Variants in FRYL observed in about 807,000 individuals in gnomAD.
FRYL encodes the protein protein furry homolog-like.
A neutral mutation model predicts 351.2 loss-of-function variants in FRYL; 150 were observed. The ratio of observed to expected loss-of-function variants is 0.43; its 90% CI spans 0.37 to 0.49. FRYL has a LOEUF of 0.49. FRYL is among the 20% of genes least tolerant of loss of function. FRYL has a pLI of 0.00. For synonymous variants in FRYL, 1,153 were observed against 1,257.1 expected, an observed-to-expected ratio of 0.92 and a Z score of 1.75; for missense variants, 3,036 against 3,619.3, an observed-to-expected ratio of 0.84 and a Z score of 4.13.
intron 7 of FRYL, among the ~76,000 whole-genome samples, chr4:48,616,839 A>G (rs1749569423): frequency 6.6e-6 from 1 of 152,138 alleles, no homozygotes; most frequent in African/African-American, 2.4e-5. Flanking sequence ...GGTGTATTAT[A>G]TGGGGCAAAA....
Position 48,609,820 on chromosome 4 carries a change from G to T in FRYL, c.415C>A (p.Pro139Thr). 1.3e-6 allele frequency: 2 copies of T among 1,559,408 alleles called. No homozygotes were observed. Among genetic ancestry groups the T allele is most frequent in the South Asian group, 1.2e-5 (1 of 81,976 alleles). Residue 139 changes from proline (P) to threonine (T), a missense_variant, in exon 8 of 64, where the codon CCT (proline) becomes ACT (threonine). Pro to Thr is a conservative substitution (Grantham distance 38). This residue lies in a region of FRYL where 457 missense variants were observed against 566.6 expected (regional missense o/e 0.81). Coordinates refer to ENST00000358350, the MANE Select transcript of FRYL (RefSeq NM_015030.2). ...AAGGGATCGGGTACAGGATGAACAG[G>T]AATCTAGAATTTAAAAAAATTATCA... Reference protein sequence around the residue: ...LVLVEVLKQIPVHPVPDPLVH... With the variant: ...LVLVEVLKQITVHPVPDPLVH...
chr4:48,723,853 A>T (rs536642156), intron 1 of FRYL, among the ~76,000 whole-genome samples: 166 of 151,954 alleles, frequency 1.1e-3, no homozygotes, highest in African/African-American at 3.5e-3. Flanking sequence ...TGGGAGGCCA[A>T]GACAGGAGGA....
At chr4:48,576,603 G>A (rs993343507) in intron 23 of FRYL, among the ~76,000 whole-genome samples, 1 of 152,152 alleles carries the variant, frequency 6.6e-6, no homozygotes, top group Admixed American at 6.5e-5. Flanking sequence ...ACCATGCCTG[G>A]CCTAATGCTA....
At chr4:48,631,921 C>T (rs1227503962) in intron 4 of FRYL, among the ~76,000 whole-genome samples, 5 of 149,758 alleles carry the variant, frequency 3.3e-5, no homozygotes, top group Non-Finnish European at 7.4e-5. Flanking sequence ...GGTGTGGTGG[C>T]GCATGCCTGT....
At chr4:48,621,392 TG>T (rs1750620469) in intron 5 of FRYL, among the ~76,000 whole-genome samples, 1 of 152,214 alleles carries the variant, frequency 6.6e-6, no homozygotes, top group Admixed American at 6.5e-5. Context: ...TTACTAAATT[TG>T]GGGCATTCTT....
intron 1 of FRYL, among the ~76,000 whole-genome samples, chr4:48,767,757 C>G (rs1775118017): frequency 6.6e-6 from 1 of 152,202 alleles, no homozygotes; most frequent in Admixed American, 6.5e-5. Context: ...TGCATTTTCT[C>G]ATCTTGGGTG....
intron 2 of FRYL, among the ~76,000 whole-genome samples, chr4:48,706,889 G>T (rs1024576237): frequency 3.3e-5 from 5 of 152,156 alleles, no homozygotes; most frequent in African/African-American, 1.2e-4. Flanking sequence ...GAGCTTGAAA[G>T]CACCCCCAGA....
intron 4 of FRYL, among the ~76,000 whole-genome samples, chr4:48,632,099 T>TAA: frequency 4.6e-5 from 1 of 21,526 alleles, no homozygotes; most frequent in African/African-American, 1.1e-4. Context: ...AAAATATATA[T>TAA]ATATATATAT....
intron 1 of FRYL, among the ~76,000 whole-genome samples, chr4:48,722,426 C>T (rs1188842612): frequency 6.6e-6 from 1 of 152,138 alleles, no homozygotes; most frequent in Non-Finnish European, 1.5e-5. Context: ...ACTGAATACA[C>T]ACTACTGACT....
At chr4:48,671,951 G>A (rs1762835216) in intron 3 of FRYL, among the ~76,000 whole-genome samples, 1 of 143,780 alleles carries the variant, frequency 7.0e-6, no homozygotes, top group South Asian at 2.2e-4. Context: ...TATAAGTCAA[G>A]TGCTAAAATT....
At chr4:48,740,278 A>G (rs993554907) in intron 1 of FRYL, among the ~76,000 whole-genome samples, 3 of 150,486 alleles carry the variant, frequency 2.0e-5, no homozygotes, top group African/African-American at 4.9e-5. Context: ...CAACAATAAG[A>G]AAACAATCTG....
intron 13 of FRYL, among the ~76,000 whole-genome samples, chr4:48,601,685 A>G (rs1745727547): frequency 6.6e-6 from 1 of 152,206 alleles, no homozygotes; most frequent in African/African-American, 2.4e-5. Context: ...AAAAGACAAA[A>G]TAAGTATCTA....
chr4:48,721,661 A>G (rs1397762703), intron 1 of FRYL, among the ~76,000 whole-genome samples: 2 of 152,144 alleles, frequency 1.3e-5, no homozygotes, highest in Non-Finnish European at 2.9e-5. Flanking sequence ...TACACTTGAG[A>G]TGGAGTCTCA....
At chr4:48,574,044 G>A (rs1010190168) in intron 25 of FRYL, among the ~76,000 whole-genome samples, 4 of 151,490 alleles carry the variant, frequency 2.6e-5, no homozygotes, top group South Asian at 2.1e-4. Flanking sequence ...CACTGTTTTC[G>A]TTTCTATCCC....
At chr4:48,550,406 A>T in intron 38 of FRYL, 186 bp downstream of exon 38, 1 of 550,166 alleles carries the variant, frequency 1.8e-6, no homozygotes, top group Non-Finnish European at 3.2e-6. Context: ...TGCTTTAAAA[A>T]AAATTTCACC....
chr4:48,711,274 G>A (rs185386446), intron 1 of FRYL, among the ~76,000 whole-genome samples: 11 of 152,352 alleles, frequency 7.2e-5, no homozygotes, highest in Middle Eastern at 3.4e-3. Context: ...TGCCTCACTC[G>A]GGAAGCGCAA....
chr4:48,716,526 T>C (rs1486486847), intron 1 of FRYL, among the ~76,000 whole-genome samples: 6 of 151,388 alleles, frequency 4.0e-5, no homozygotes, highest in Non-Finnish European at 8.8e-5. Flanking sequence ...CACGAAAAAA[T>C]GCTCACCATC....
At chr4:48,736,510 G>C (rs182163204) in intron 1 of FRYL, among the ~76,000 whole-genome samples, 1 of 151,980 alleles carries the variant, frequency 6.6e-6, no homozygotes, top group Non-Finnish European at 1.5e-5. Context: ...AATGAAAGCA[G>C]AGACAATACT....
chr4:48,671,858 CA>C (rs1226492542), intron 3 of FRYL, among the ~76,000 whole-genome samples: 9 of 22,400 alleles, frequency 4.0e-4, no homozygotes, highest in East Asian at 3.8e-3. Context: ...GTCTCAAAAA[CA>C]AAAAAAAAAA....
Sources: gnomAD v4.1 joint callset for allele counts (sites outside exome capture counted in the v4.1 genomes callset) on GRCh38, gnomAD v4.1.1 for gene constraint, gnomAD v4.1.1 regional missense constraint, MANE v1.5 for transcripts, NCBI Gene and HGNC (gene_info 2026-07-23, HGNC 2026-07-21) for gene names.